Variants in KCNMA1 observed in about 807,000 individuals in gnomAD.
KCNMA1 encodes potassium calcium-activated channel subfamily M alpha 1.
In KCNMA1, 29 loss-of-function variants were observed where a neutral mutation model predicts 140.0. The observed-to-expected ratio is 0.21, with a 90% CI of 0.15 to 0.28. KCNMA1 has a LOEUF of 0.28. KCNMA1 is among the 10% of genes least tolerant of loss of function. KCNMA1 has a pLI of 1.00. For missense variants in KCNMA1, 880 were observed against 1,602.2 expected (o/e 0.55, Z 7.70); for synonymous variants, 612 against 611.9 (o/e 1.00, Z 0.00).
At chr10:76,963,586 C>T (rs2072586683) in intron 20 of KCNMA1, among the ~76,000 whole-genome samples, 1 of 152,096 alleles carries the variant, frequency 6.6e-6, no homozygotes, top group Non-Finnish European at 1.5e-5. Context: ...TTGAAGGAGG[C>T]GCCTCACATT....
intron 7 of KCNMA1, among the ~76,000 whole-genome samples, chr10:77,111,405 T>C (rs186123431): frequency 7.9e-5 from 12 of 152,210 alleles, no homozygotes; most frequent in Admixed American, 2.0e-4. Flanking sequence ...GGGACTTCAC[T>C]AATACCCGTA....
intron 5 of KCNMA1, among the ~76,000 whole-genome samples, chr10:77,121,321 C>T (rs974358877): frequency 6.6e-6 from 1 of 152,146 alleles, no homozygotes; most frequent in Non-Finnish European, 1.5e-5. Flanking sequence ...TGAGACTTTT[C>T]ATTTGGTGAT....
intron 1 of KCNMA1, among the ~76,000 whole-genome samples, chr10:77,580,399 A>T (rs1348769270): frequency 6.6e-6 from 1 of 151,076 alleles, no homozygotes; most frequent in Non-Finnish European, 1.5e-5. Context: ...AAAAAAAAAG[A>T]AATGTCTTTA....
chr10:77,532,100 C>T (rs1217225156), intron 1 of KCNMA1, among the ~76,000 whole-genome samples: 1 of 152,178 alleles, frequency 6.6e-6, no homozygotes, highest in Admixed American at 6.5e-5. Context: ...TTTCCAGTAA[C>T]AACTCAATAC....
intron 1 of KCNMA1, among the ~76,000 whole-genome samples, chr10:77,543,059 C>G (rs1044300440): frequency 1.3e-5 from 2 of 151,664 alleles, no homozygotes; most frequent in Non-Finnish European, 2.9e-5. Context: ...CTCTCTCATT[C>G]TCTCTCTCTT....
chr10:76,875,193 T>G (rs2032141202), downstream of KCNMA1: 1 of 152,256 alleles, frequency 6.6e-6, no homozygotes, highest in Non-Finnish European at 1.5e-5. Flanking sequence ...CACCAGCTTT[T>G]GCCAAAGGGC....
At chr10:76,974,080 T>A (rs2076828532) in intron 19 of KCNMA1, 1 of 156,656 alleles carries the variant, frequency 6.4e-6, no homozygotes, top group African/African-American at 2.4e-5. Context: ...GGCAAACAAC[T>A]CATAAACATG....
At chr10:77,102,650 T>A (rs1398897031) in intron 9 of KCNMA1, among the ~76,000 whole-genome samples, 1 of 152,034 alleles carries the variant, frequency 6.6e-6, no homozygotes, top group Non-Finnish European at 1.5e-5. Context: ...AAAGCAAGAG[T>A]GTTAGCTCCC....
intron 1 of KCNMA1, 157 bp downstream of exon 1, chr10:77,637,108 G>C: frequency 7.8e-7 from 1 of 1,277,144 alleles, no homozygotes; most frequent in Non-Finnish European, 1.0e-6. Context: ...CCCGATCCGA[G>C]AGCACCGGGA....
chr10:76,890,210 G>C (rs1389803500), intron 26 of KCNMA1, among the ~76,000 whole-genome samples: 1 of 152,202 alleles, frequency 6.6e-6, no homozygotes, highest in Non-Finnish European at 1.5e-5. Context: ...CCACCTTCCC[G>C]GGGTCTGGGG....
intron 1 of KCNMA1, among the ~76,000 whole-genome samples, chr10:77,611,977 T>C (rs1461453272): frequency 1.3e-5 from 2 of 152,128 alleles, no homozygotes; most frequent in East Asian, 3.9e-4. Context: ...ATTTGACTAG[T>C]GACATGATTT....
At chr10:76,873,056 A>G (rs1455325392), downstream of KCNMA1, 1 of 152,110 alleles carries the variant, frequency 6.6e-6, no homozygotes, top group African/African-American at 2.4e-5. Context: ...TGGGGCTGTG[A>G]TATCATGGAG....
At chr10:77,619,337 TC>T (rs74891858) in intron 1 of KCNMA1, among the ~76,000 whole-genome samples, 83,668 of 149,300 alleles carry the variant, frequency 0.56, 24,768 homozygotes, top group African/African-American at 0.77. Context: ...TCTCTCTCTC[TC>T]TCTCTCTCGT....
At chr10:77,075,668 G>A (rs907074162) in intron 13 of KCNMA1, among the ~76,000 whole-genome samples, 2 of 152,178 alleles carry the variant, frequency 1.3e-5, no homozygotes, top group African/African-American at 4.8e-5. Flanking sequence ...TAGAAAAGTT[G>A]AGTTTGTTCC....
Position 77,427,724 on chromosome 10 carries a change from T to C in KCNMA1, c.379-23701A>G, listed in dbSNP as rs574406934. On this transcript the variant is annotated intron_variant, in intron 1 of 27. Transcript: ENST00000286628. ...AATCCTGAGCATCCATCCATTCATT[T>C]ATTTATTTATTTATTTATTTATTTA... Among the ~76,000 whole-genome samples the C allele has an allele frequency of 4.5e-3, 456 of 100,302 alleles. 3 individuals are homozygous for C. Among genetic ancestry groups the C allele is most frequent in the Middle Eastern group, 0.022 (4 of 180 alleles). 65.8% of individuals were successfully genotyped at this position (100,302 alleles called of 152,430 possible).
intron 5 of KCNMA1, chr10:77,140,535 G>A (rs1178335047): frequency 1.3e-5 from 2 of 152,538 alleles, no homozygotes; most frequent in African/African-American, 2.4e-5. Context: ...CTAGGCTTTC[G>A]GCTCCCTTCC....
chr10:77,340,467 G>A (rs1450859694), intron 2 of KCNMA1, among the ~76,000 whole-genome samples: 4 of 152,058 alleles, frequency 2.6e-5, no homozygotes, highest in Non-Finnish European at 5.9e-5. Context: ...CAACCCAAAC[G>A]TCCATCAATG....
rs965701564 is a variant in KCNMA1 at position 76,885,670 on chromosome 10, T to C, written c.*1596A>G. ...TGAAGTAAAACTTTTCAAATATGTA[T>C]ATACCAGCCTAGTCCATCCATAAGG... On this transcript the variant is annotated 3_prime_UTR_variant, in exon 28 of 28. Transcript: ENST00000286628. 5 of 985,250 alleles carry C rather than the reference T, an allele frequency of 5.1e-6. No individual in the cohort carries two copies. In the African/African-American group the frequency reaches 5.2e-5, roughly 10 times the overall value. 61.0% of individuals were successfully genotyped at this position (985,250 alleles called of 1,614,324 possible).
At chr10:76,949,419 T>G in intron 21 of KCNMA1, 53 bp from the exon 22 acceptor site, 1 of 1,365,108 alleles carries the variant, frequency 7.3e-7, no homozygotes, top group Non-Finnish European at 1.0e-6. Flanking sequence ...ATAGGGCTGT[T>G]GTAAGGAGTG....
Sources: gnomAD v4.1 joint callset for allele counts (sites outside exome capture counted in the v4.1 genomes callset) on GRCh38, gnomAD v4.1.1 for gene constraint, MANE v1.5 for transcripts, NCBI Gene and HGNC (gene_info 2026-07-23, HGNC 2026-07-21) for gene names.